AIG1: variants seen among roughly 807,000 people sequenced by gnomAD.
The protein encoded by AIG1 is androgen-induced gene 1 protein.
AIG1 carries 23 observed loss-of-function variants against 31.4 expected under a neutral mutation model. The observed-to-expected ratio is 0.73, with a 90% confidence interval of 0.53 to 1.04. The LOEUF (loss-of-function observed/expected upper bound fraction) is 1.04. AIG1 is among the 50% of genes least tolerant of loss of function. The pLI, the probability that AIG1 is intolerant of heterozygous loss-of-function variation, is 0.00. For synonymous variants in AIG1, 100 were observed against 110.5 expected (o/e 0.90, Z 0.60); for missense variants, 274 against 295.0 (o/e 0.93, Z 0.52).
chr6:143,059,389 C>G (rs1382485989), upstream of AIG1, among the ~76,000 whole-genome samples: 5 of 152,162 alleles, frequency 3.3e-5, no homozygotes, highest in Admixed American at 6.5e-5. Context: ...CGGCAGGAAC[C>G]AATTCCAGAC....
chr6:143,176,576 G>A (rs1028160457), intron 3 of AIG1, among the ~76,000 whole-genome samples: 9 of 151,766 alleles, frequency 5.9e-5, no homozygotes, highest in Non-Finnish European at 1.0e-4. Context: ...TTATGTTCCC[G>A]GGGGGGTTAT....
rs1349398106 is a variant in AIG1 at position 143,291,557 on chromosome 6, G to A, written c.515+7332G>A. Among the ~76,000 whole-genome samples the A allele has an allele frequency of 6.6e-6, 1 of 152,222 alleles. No homozygotes were observed. Among genetic ancestry groups the A allele is most frequent in the African/African-American group, 2.4e-5 (1 of 41,452 alleles). On this transcript the variant is annotated intron_variant, in intron 4 of 5. Transcript: ENST00000357847. This position sits in a 1 kb window ranked among gnomAD's most constrained non-coding sequence, Gnocchi z 4.2. ...CAGGGATTTGCCAATGACAGGGAAA[G>A]CCCCTTGCATAAGCACAGGCAGTGA...
At chr6:143,242,231 T>A (rs1355704006) in intron 3 of AIG1, among the ~76,000 whole-genome samples, 3 of 152,136 alleles carry the variant, frequency 2.0e-5, no homozygotes, top group Admixed American at 2.0e-4. Context: ...TTCTAGTCAC[T>A]GGCAAGAGAA....
At chr6:143,255,111 C>A (rs1263682469) in intron 3 of AIG1, among the ~76,000 whole-genome samples, 1 of 152,194 alleles carries the variant, frequency 6.6e-6, no homozygotes, top group African/African-American at 2.4e-5. Flanking sequence ...CATCATCCAG[C>A]ATGACTGCAT....
Position 143,331,602 on chromosome 6 carries a change from C to T in AIG1, c.516-1680C>T, listed in dbSNP as rs1777073832. ...ATGCCACATTTGATTGTTTGTTCAC[C>T]TACTGATGTGTTTCTATATACATAT... On this transcript the variant is annotated intron_variant, in intron 4 of 5. Transcript: ENST00000357847. The surrounding 1 kb of genome is among the most constrained non-coding windows in gnomAD (Gnocchi z 4.1). Among the ~76,000 whole-genome samples the T allele has an allele frequency of 6.6e-6, 1 of 151,898 alleles. No homozygotes were observed. The highest frequency in any genetic ancestry group is 2.1e-4 in the South Asian group (1 of 4,824).
chr6:143,153,158 A>AGG (rs761376774), intron 2 of AIG1, among the ~76,000 whole-genome samples: 1 of 152,160 alleles, frequency 6.6e-6, no homozygotes, highest in Non-Finnish European at 1.5e-5. Context: ...AGAATATGAT[A>AGG]GGAGCCTATT....
At chr6:143,096,851 G>A (rs986403135) in intron 1 of AIG1, among the ~76,000 whole-genome samples, 8 of 152,276 alleles carry the variant, frequency 5.3e-5, no homozygotes, top group Admixed American at 4.6e-4. Context: ...CTGTGTCATT[G>A]ATACTGTAAT....
chr6:143,337,594 G>T (rs1562606096), intron 5 of AIG1, among the ~76,000 whole-genome samples: 2 of 152,178 alleles, frequency 1.3e-5, no homozygotes, highest in Non-Finnish European at 2.9e-5. Context: ...GCTACATTTT[G>T]TAAGACCAGA....
At chr6:143,220,141 G>A (rs1342088216) in intron 3 of AIG1, among the ~76,000 whole-genome samples, 1 of 152,110 alleles carries the variant, frequency 6.6e-6, no homozygotes, top group Non-Finnish European at 1.5e-5. Flanking sequence ...TTCCTCTGCT[G>A]GAGCTTGTCA....
intron 3 of AIG1, among the ~76,000 whole-genome samples, chr6:143,210,819 A>C (rs1791529115): frequency 6.6e-6 from 1 of 152,224 alleles, no homozygotes; most frequent in African/African-American, 2.4e-5. Context: ...CAATATGGCA[A>C]AATTGTGTCT....
At chr6:143,067,216 G>A (rs550115203) in intron 1 of AIG1, among the ~76,000 whole-genome samples, 9 of 152,182 alleles carry the variant, frequency 5.9e-5, no homozygotes, top group South Asian at 4.2e-4. Flanking sequence ...TAATGTCTTT[G>A]ATTGGTTTTT....
At chr6:143,200,951 A>G (rs1240549850) in intron 3 of AIG1, among the ~76,000 whole-genome samples, 1 of 152,106 alleles carries the variant, frequency 6.6e-6, no homozygotes, top group Non-Finnish European at 1.5e-5. Context: ...TCCCATAGAC[A>G]TTTCCTATGT....
intron 3 of AIG1, among the ~76,000 whole-genome samples, chr6:143,243,342 T>A (rs7769302): frequency 0.068 from 10,398 of 152,126 alleles, 642 homozygotes; most frequent in Admixed American, 0.17. Flanking sequence ...TCATCAGGAG[T>A]GATATTCTTT....
In AIG1 at chr6:143,339,981, C is replaced by G; in HGVS notation, c.*305C>G. On this transcript the variant is annotated 3_prime_UTR_variant, in exon 6 of 6. Transcript: ENST00000357847. ...GATTTTTATTTTGGCAATTGTAACT[C>G]CATCTAATCAAGAAAGAATAAAAGT... 8.1e-6 allele frequency: 2 copies of G among 246,760 alleles called. 1 individual carries two copies. Among genetic ancestry groups the G allele is most frequent in the South Asian group, 2.0e-4 (2 of 10,126 alleles). 15.3% of individuals were successfully genotyped at this position (246,760 alleles called of 1,614,324 possible).
At chr6:143,148,337 C>CAAAAAA (rs527337431) in intron 2 of AIG1, among the ~76,000 whole-genome samples, 1 of 46,382 alleles carries the variant, frequency 2.2e-5, no homozygotes, top group Non-Finnish European at 5.1e-5. Flanking sequence ...CCCATCTCTA[C>CAAAAAA]AAAAAAAAAA....
intron 3 of AIG1, among the ~76,000 whole-genome samples, chr6:143,168,126 T>C (rs1226778194): frequency 1.3e-5 from 2 of 152,182 alleles, no homozygotes; most frequent in Non-Finnish European, 2.9e-5. Flanking sequence ...CATTTTCTTG[T>C]TTAAATAATA....
chr6:143,080,497 G>A (rs916396273), intron 1 of AIG1, among the ~76,000 whole-genome samples: 5 of 151,972 alleles, frequency 3.3e-5, no homozygotes, highest in South Asian at 2.1e-4. Context: ...GAAAAACTCC[G>A]ATACAATAGG....
chr6:143,159,827 G>A (rs1461646066), intron 2 of AIG1, among the ~76,000 whole-genome samples: 1 of 152,170 alleles, frequency 6.6e-6, no homozygotes, highest in Non-Finnish European at 1.5e-5. Flanking sequence ...AAGCCAGATA[G>A]CATGCACAAC....
Position 143,119,022 on chromosome 6 carries a change from C to T in AIG1, c.142-17813C>T, listed in dbSNP as rs143876594. On this transcript the variant is annotated intron_variant, in intron 1 of 5. Transcript: ENST00000357847. ...CTGAGTAGCTGGTACTACAAGTGTG[C>T]ACCATTGCATCCAACTAGTTTTTCT... Among the ~76,000 whole-genome samples, 200 of 152,192 alleles carry T rather than the reference C, an allele frequency of 1.3e-3. 1 individual carries two copies. Among genetic ancestry groups the T allele is most frequent in the African/African-American group, 3.3e-3 (137 of 41,516 alleles).
Sources: allele counts gnomAD v4.1 joint callset (sites outside exome capture counted in the v4.1 genomes callset), GRCh38; gene constraint gnomAD v4.1.1; non-coding constraint Gnocchi (gnomAD v3.1); transcripts MANE v1.5; gene names NCBI Gene and HGNC (gene_info 2026-07-23, HGNC 2026-07-21).